The following CACNA2D3 variants were observed in gnomAD, a reference collection of about 807,000 sequenced individuals.
CACNA2D3 encodes the protein calcium voltage-gated channel auxiliary subunit alpha2delta 3.
A neutral mutation model predicts 160.6 loss-of-function variants in CACNA2D3; 60 were observed. The ratio of observed to expected loss-of-function variants is 0.37; its 90% CI spans 0.30 to 0.46. CACNA2D3 has a LOEUF of 0.46. CACNA2D3 is among the 20% of genes least tolerant of loss of function. CACNA2D3 has a pLI of 1.00. For missense variants in CACNA2D3, 1,205 were observed against 1,365.0 expected (o/e 0.88, Z 1.85); for synonymous variants, 558 against 492.9 (o/e 1.13, Z -1.75).
At chr3:54,302,527 G>A (rs530840710) in intron 2 of CACNA2D3, among the ~76,000 whole-genome samples, 184 of 152,250 alleles carry the variant, frequency 1.2e-3, no homozygotes, top group African/African-American at 4.2e-3. Flanking sequence ...TCTTGATCTC[G>A]AGTTTGGTCT....
intron 2 of CACNA2D3, among the ~76,000 whole-genome samples, chr3:54,170,053 TGG>T: frequency 6.6e-6 from 1 of 151,842 alleles, no homozygotes. Context: ...CCAGGCGTGG[TGG>T]TGGGCATCTG....
At chr3:54,280,201 C>T (rs1702841762) in intron 2 of CACNA2D3, among the ~76,000 whole-genome samples, 1 of 152,046 alleles carries the variant, frequency 6.6e-6, no homozygotes, top group Non-Finnish European at 1.5e-5. Context: ...CCTGCCTCAG[C>T]CTCCTGAGTA....
intron 8 of CACNA2D3, among the ~76,000 whole-genome samples, chr3:54,579,184 A>G (rs899264659): frequency 2.0e-5 from 3 of 152,188 alleles, no homozygotes; most frequent in African/African-American, 7.2e-5. Context: ...CAGTTAAGAA[A>G]GTTTTGGGCT....
At chr3:54,815,878 A>G (rs1478493186) in intron 13 of CACNA2D3, among the ~76,000 whole-genome samples, 1 of 152,200 alleles carries the variant, frequency 6.6e-6, no homozygotes, top group Non-Finnish European at 1.5e-5. Flanking sequence ...GTAATGATGT[A>G]ATTCTTAGAT....
intron 2 of CACNA2D3, among the ~76,000 whole-genome samples, chr3:54,181,222 T>C (rs1339363454): frequency 6.6e-6 from 1 of 152,200 alleles, no homozygotes; most frequent in African/African-American, 2.4e-5. Context: ...TATAAATAAA[T>C]TGAGCTATGG....
intron 2 of CACNA2D3, among the ~76,000 whole-genome samples, chr3:54,252,154 T>C (rs1408845153): frequency 6.9e-6 from 1 of 144,262 alleles, no homozygotes; most frequent in Non-Finnish European, 1.5e-5. Context: ...TTTGTACTGG[T>C]TTGCTAAAAC....
At chr3:54,346,395 T>C (rs1284736058) in intron 3 of CACNA2D3, among the ~76,000 whole-genome samples, 1 of 152,128 alleles carries the variant, frequency 6.6e-6, no homozygotes, top group Admixed American at 6.5e-5. Context: ...GAATACCAAA[T>C]AGCCTTTGCC....
At chr3:54,387,029 G>T (rs1699199348) in intron 4 of CACNA2D3, among the ~76,000 whole-genome samples, 1 of 152,278 alleles carries the variant, frequency 6.6e-6, no homozygotes, top group East Asian at 1.9e-4. Flanking sequence ...AATTTAGGGG[G>T]AGTTAAATCG....
At chr3:54,134,475 CT>C (rs555906013) in intron 2 of CACNA2D3, among the ~76,000 whole-genome samples, 20 of 152,316 alleles carry the variant, frequency 1.3e-4, no homozygotes, top group Admixed American at 6.5e-4. Flanking sequence ...GCCGCCCAGC[CT>C]TTTCCCTGTC....
chr3:54,343,635 C>T (rs988273095), intron 3 of CACNA2D3, among the ~76,000 whole-genome samples: 7 of 152,190 alleles, frequency 4.6e-5, no homozygotes, highest in African/African-American at 1.7e-4. Context: ...TCTTGAACTT[C>T]TGGGCTCAAG....
At chr3:54,227,888 T>C (rs1328881135) in intron 2 of CACNA2D3, among the ~76,000 whole-genome samples, 7 of 152,178 alleles carry the variant, frequency 4.6e-5, no homozygotes, top group Non-Finnish European at 8.8e-5. Flanking sequence ...CTCCCTTTCA[T>C]GAAGCTTGAC....
At chr3:54,417,389 A>G (rs1240787756) in intron 4 of CACNA2D3, among the ~76,000 whole-genome samples, 1 of 152,206 alleles carries the variant, frequency 6.6e-6, no homozygotes, top group African/African-American at 2.4e-5. Flanking sequence ...ATGTTTTACT[A>G]ATCAACTGTG....
chr3:54,790,396 G>T (rs546281335), intron 13 of CACNA2D3, among the ~76,000 whole-genome samples: 6 of 152,288 alleles, frequency 3.9e-5, no homozygotes, highest in Middle Eastern at 3.4e-3. Flanking sequence ...TAGCATCCAT[G>T]TGAAAAGGAA....
rs114177125 is a variant in CACNA2D3, at chr3:54,457,955, T to A, written c.382-45537T>A. Among the ~76,000 whole-genome samples the A allele has an allele frequency of 5.3e-3, 807 of 152,214 alleles. 5 individuals carry two copies. Among genetic ancestry groups the A allele is most frequent in the Non-Finnish European group, 9.4e-3 (638 of 67,948 alleles). On this transcript the variant is annotated intron_variant, in intron 4 of 37. Coordinates refer to ENST00000474759, the MANE Select transcript of CACNA2D3 (RefSeq NM_018398.3). Reference sequence around the variant, plus strand: ...GATATCATTTTTCTATTCCTTTATTTTAAGTCTTTGGGTCTTTACATGCAA... The same window carrying A: ...GATATCATTTTTCTATTCCTTTATTATAAGTCTTTGGGTCTTTACATGCAA...
At chr3:54,675,481 G>T (rs749217466) in intron 11 of CACNA2D3, among the ~76,000 whole-genome samples, 2 of 152,110 alleles carry the variant, frequency 1.3e-5, no homozygotes, top group South Asian at 4.1e-4. Flanking sequence ...AGTGGTGAAA[G>T]CCTCTCCTGG....
intron 2 of CACNA2D3, among the ~76,000 whole-genome samples, chr3:54,302,478 T>C (rs962252323): frequency 1.3e-5 from 2 of 152,170 alleles, no homozygotes; most frequent in African/African-American, 4.8e-5. Context: ...AGGTCCCAAG[T>C]ATAAGATGGA....
chr3:54,152,506 G>T (rs1700170596), intron 2 of CACNA2D3, among the ~76,000 whole-genome samples: 1 of 152,190 alleles, frequency 6.6e-6, no homozygotes, highest in African/African-American at 2.4e-5. Context: ...ATTTCTAAAG[G>T]AATAAGTGGA....
At chr3:55,014,076 C>T (rs1013512260) in intron 34 of CACNA2D3, among the ~76,000 whole-genome samples, 1 of 152,144 alleles carries the variant, frequency 6.6e-6, no homozygotes, top group Admixed American at 6.5e-5. Flanking sequence ...TGCAGTGTGA[C>T]CTTGGGCACG....
chr3:54,735,863 G>GA (rs912258943), intron 11 of CACNA2D3, among the ~76,000 whole-genome samples: 6 of 147,724 alleles, frequency 4.1e-5, no homozygotes, highest in South Asian at 2.2e-4. Flanking sequence ...AGAAAATTTG[G>GA]AAAAAAAATA....
Sources: allele counts gnomAD v4.1 joint callset (sites outside exome capture counted in the v4.1 genomes callset), GRCh38; gene constraint gnomAD v4.1.1; transcripts MANE v1.5; gene names NCBI Gene and HGNC (gene_info 2026-07-23, HGNC 2026-07-21).